The following DTWD2 variants were observed in gnomAD, a reference collection of about 807,000 sequenced individuals.
The protein encoded by DTWD2 is tRNA-uridine aminocarboxypropyltransferase 2.
In DTWD2, 39 loss-of-function variants were observed where a neutral mutation model predicts 31.8. That is an observed-to-expected ratio of 1.22 (90% CI 0.95 to 1.60). The LOEUF is 1.60. Ranked by LOEUF, DTWD2 falls within the 40% of genes most tolerant of loss-of-function variation. The probability of loss-of-function intolerance (pLI) is 0.00; values close to 1 mark genes in which losing one functional copy is unlikely to be tolerated. For synonymous variants in DTWD2, 180 were observed against 142.8 expected, an observed-to-expected ratio of 1.26 and a Z score of -1.86; for missense variants, 515 against 381.5, an observed-to-expected ratio of 1.35 and a Z score of -2.92.
At chr5:118,983,791 A>C (rs546659985) in intron 1 of DTWD2, among the ~76,000 whole-genome samples, 2 of 152,324 alleles carry the variant, frequency 1.3e-5, no homozygotes, top group South Asian at 4.1e-4. Flanking sequence ...CTAGGGAACC[A>C]AGTGGACTGG....
intron 3 of DTWD2, among the ~76,000 whole-genome samples, chr5:118,932,986 G>T (rs1175290961): frequency 6.6e-6 from 1 of 151,306 alleles, no homozygotes; most frequent in Non-Finnish European, 1.5e-5. Context: ...AATAAAAAGG[G>T]TGATCATTAC....
chr5:118,910,196 C>T (rs530326903), intron 4 of DTWD2, among the ~76,000 whole-genome samples: 17 of 152,236 alleles, frequency 1.1e-4, no homozygotes, highest in African/African-American at 4.1e-4. Flanking sequence ...TTATAAATTC[C>T]ATCTTTAATT....
At chr5:118,873,778 G>C (rs1248798036) in intron 4 of DTWD2, among the ~76,000 whole-genome samples, 3 of 152,190 alleles carry the variant, frequency 2.0e-5, no homozygotes, top group African/African-American at 7.2e-5. Flanking sequence ...GAGGGGCACA[G>C]AGAAGGCACC....
At chr5:118,942,254 A>G (rs1026093163) in intron 2 of DTWD2, among the ~76,000 whole-genome samples, 2 of 152,200 alleles carry the variant, frequency 1.3e-5, no homozygotes, top group African/African-American at 4.8e-5. Context: ...TCACGCCTAT[A>G]GTCCCAGCTC....
intron 1 of DTWD2, among the ~76,000 whole-genome samples, chr5:118,979,288 A>G (rs150594319): frequency 0.027 from 4,104 of 152,298 alleles, 151 homozygotes; most frequent in African/African-American, 0.078. Context: ...TGGGCGACAG[A>G]GCAAGAGTCC....
chr5:118,916,389 G>A (rs1304625575), intron 4 of DTWD2, among the ~76,000 whole-genome samples: 1 of 152,118 alleles, frequency 6.6e-6, no homozygotes, highest in Non-Finnish European at 1.5e-5. Flanking sequence ...ATTAAGGCCG[G>A]GTGCAGTGGC....
At chr5:118,868,754 A>G (rs921267306) in intron 4 of DTWD2, among the ~76,000 whole-genome samples, 2 of 150,768 alleles carry the variant, frequency 1.3e-5, no homozygotes, top group Non-Finnish European at 2.9e-5. Flanking sequence ...CAGAAGGATC[A>G]CTTCAGCCTG....
At chr5:118,926,088 C>T (rs949914899) in intron 4 of DTWD2, among the ~76,000 whole-genome samples, 1 of 152,046 alleles carries the variant, frequency 6.6e-6, no homozygotes, top group East Asian at 1.9e-4. Context: ...AAAAAAAAGA[C>T]ACATGCGCAG....
intron 1 of DTWD2, among the ~76,000 whole-genome samples, chr5:118,960,175 T>G (rs1754675202): frequency 6.6e-6 from 1 of 152,126 alleles, no homozygotes; most frequent in East Asian, 1.9e-4. Context: ...GGAGAAAATA[T>G]TTGCAAACTA....
intron 1 of DTWD2, among the ~76,000 whole-genome samples, chr5:118,949,973 G>A (rs1261618893): frequency 6.6e-6 from 1 of 152,128 alleles, no homozygotes; most frequent in Non-Finnish European, 1.5e-5. Flanking sequence ...CACTTTGGGA[G>A]GCCAAGGCGG....
rs1751556459 is a variant in DTWD2, at chr5:118,836,136, T to C, written c.*4781A>G. On this transcript the variant is annotated 3_prime_UTR_variant, in exon 6 of 6. Transcript: ENST00000510708. ...TAAGTAACAATAACAGTAAGACATA[T>C]AGTAAAATTTCTTATTCGAATAATT... Among the ~76,000 whole-genome samples the C allele has an allele frequency of 1.3e-5, 2 of 152,208 alleles. No individual in the cohort carries two copies. Among genetic ancestry groups the C allele is most frequent in the Non-Finnish European group, 2.9e-5 (2 of 68,032 alleles).
In DTWD2 at chr5:118,988,353, G is replaced by A. The variant is rs1234133893; in HGVS notation, c.159C>T (p.Asp53=). ...LGAEADDDSA[D]GLWELPVEPA... ...GCTCCACCGGCAGCTCCCACAGCCC[G>A]TCCGCACTGTCGTCGTCCGCCTCTG... is the stretch of plus-strand genomic sequence containing the variant. Residue 53 remains aspartate (D), a synonymous_variant, in exon 1 of 6, where the codon GAC becomes GAT. Coordinates refer to ENST00000510708, the MANE Select transcript of DTWD2 (RefSeq NM_173666.4). 3 of 1,561,600 alleles carry A rather than the reference G, an allele frequency of 1.9e-6. No homozygotes were observed. In the East Asian group the frequency reaches 7.2e-5, roughly 38 times the overall value.
intron 4 of DTWD2, among the ~76,000 whole-genome samples, chr5:118,850,383 CAGGAGAATCACTTGAGCTCTGGAGG>C (rs1751971195): frequency 1.5e-5 from 2 of 133,488 alleles, no homozygotes; most frequent in Admixed American, 1.8e-4. Flanking sequence ...GAGCCTGAGG[CAGGAGAATCACTTGAGCTCTGGAGG>C]CAGAGGTTGC....
At chr5:118,927,147 A>C (rs1225664478) in intron 4 of DTWD2, among the ~76,000 whole-genome samples, 1 of 152,048 alleles carries the variant, frequency 6.6e-6, no homozygotes, top group Non-Finnish European at 1.5e-5. Flanking sequence ...TCTTCTTCTA[A>C]AGGTACTAAT....
intron 4 of DTWD2, among the ~76,000 whole-genome samples, chr5:118,854,262 T>C (rs1037844572): frequency 6.6e-6 from 1 of 152,162 alleles, no homozygotes; most frequent in Non-Finnish European, 1.5e-5. Context: ...ATGTCATGCT[T>C]ATCTAATCCT....
At chr5:118,951,689 G>A (rs1157897751) in intron 1 of DTWD2, among the ~76,000 whole-genome samples, 1 of 151,942 alleles carries the variant, frequency 6.6e-6, no homozygotes, top group East Asian at 1.9e-4. Flanking sequence ...GGCTAAGGGA[G>A]AAGAAGGAGG....
At chr5:118,880,915 G>T (rs1281424460) in intron 4 of DTWD2, among the ~76,000 whole-genome samples, 2 of 152,010 alleles carry the variant, frequency 1.3e-5, no homozygotes, top group South Asian at 4.1e-4. Context: ...TTTGGAACTC[G>T]CTGAAAACCA....
chr5:118,931,493 A>C (rs1283928270), intron 3 of DTWD2, among the ~76,000 whole-genome samples: 1 of 152,160 alleles, frequency 6.6e-6, no homozygotes, highest in Non-Finnish European at 1.5e-5. Flanking sequence ...GAGGATGAAG[A>C]AAGGCATTAC....
At position 118,891,575 on chromosome 5, in the gene DTWD2, A is replaced by G. The variant is rs569736480; in HGVS notation, c.597+36962T>C. On this transcript the variant is annotated intron_variant, in intron 4 of 5. Coordinates refer to ENST00000510708, the MANE Select transcript of DTWD2 (RefSeq NM_173666.4). ...CTGAATAATGTACTCCTCTGAAAGAATGCAAGCAATTAGAGGCTTAAACAC... is the reference window on the plus strand; with the variant it reads ...CTGAATAATGTACTCCTCTGAAAGAGTGCAAGCAATTAGAGGCTTAAACAC... Among the ~76,000 whole-genome samples, 50 of 152,352 alleles carry G rather than the reference A, an allele frequency of 3.3e-4. 1 individual carries two copies. Among genetic ancestry groups the G allele is most frequent in the Admixed American group, 8.5e-4 (13 of 15,300 alleles).
Sources: allele counts gnomAD v4.1 joint callset (sites outside exome capture counted in the v4.1 genomes callset), GRCh38; gene constraint gnomAD v4.1.1; transcripts MANE v1.5; gene names NCBI Gene and HGNC (gene_info 2026-07-23, HGNC 2026-07-21).